The following PLPPR1 variants were observed in gnomAD, a reference collection of about 807,000 sequenced individuals.
The protein encoded by PLPPR1 is phospholipid phosphatase related 1, also known as phospholipid phosphatase-related protein type 1.
In PLPPR1, 10 loss-of-function variants were observed where a neutral mutation model predicts 33.1. The observed-to-expected ratio is 0.30, with a 90% CI of 0.19 to 0.51. The LOEUF is 0.51. PLPPR1 is among the 20% of genes least tolerant of loss of function. The pLI, the probability that PLPPR1 is intolerant of heterozygous loss-of-function variation, is 0.97. For missense variants in PLPPR1, 304 were observed against 408.1 expected, an observed-to-expected ratio of 0.74 and a Z score of 2.20; for synonymous variants, 151 against 151.0, an observed-to-expected ratio of 1.00 and a Z score of 0.00.
At chr9:101,237,444 T>A (rs920042620) in intron 2 of PLPPR1, among the ~76,000 whole-genome samples, 1 of 141,742 alleles carries the variant, frequency 7.1e-6, no homozygotes, top group Non-Finnish European at 1.5e-5. Flanking sequence ...ACTGATTGAA[T>A]AAAGAAAGGT....
intron 1 of PLPPR1, among the ~76,000 whole-genome samples, chr9:101,064,403 T>C (rs1048074924): frequency 6.6e-6 from 1 of 151,988 alleles, no homozygotes; most frequent in Non-Finnish European, 1.5e-5. Context: ...ATTTATGGAA[T>C]GAATGAATGA....
intron 1 of PLPPR1, among the ~76,000 whole-genome samples, chr9:101,106,041 G>T (rs2118562462): frequency 6.6e-6 from 1 of 151,260 alleles, no homozygotes; most frequent in East Asian, 1.9e-4. Flanking sequence ...GCCTATGTGT[G>T]TCTCTGCATG....
intron 2 of PLPPR1, among the ~76,000 whole-genome samples, chr9:101,250,831 G>C (rs930042074): frequency 2.6e-5 from 4 of 152,064 alleles, no homozygotes; most frequent in Non-Finnish European, 4.4e-5. Flanking sequence ...GGACTAAACT[G>C]TGGCAAGAGA....
At position 101,291,098 on chromosome 9, in the gene PLPPR1, C is replaced by T. The variant is rs577346110; in HGVS notation, c.385+4862C>T. 1.4e-3 allele frequency among the ~76,000 whole-genome samples: 218 copies of T among 152,282 alleles called. 4 individuals carry two copies. In the Middle Eastern group the frequency reaches 0.02, roughly 14 times the overall value. Reference sequence around the variant, plus strand: ...CTCCCACCCTAATACTGCGCTTTTCCGACAACAGGCTTAAAAAACAGCGCA... The same window carrying T: ...CTCCCACCCTAATACTGCGCTTTTCTGACAACAGGCTTAAAAAACAGCGCA... On this transcript the variant is annotated intron_variant, in intron 4 of 7. Transcript: ENST00000374874.
At chr9:101,300,633 T>C (rs893664899) in intron 4 of PLPPR1, among the ~76,000 whole-genome samples, 3 of 152,218 alleles carry the variant, frequency 2.0e-5, no homozygotes, top group Non-Finnish European at 4.4e-5. Flanking sequence ...GATCATCAGC[T>C]TCAGCTTTAG....
chr9:101,079,385 C>G (rs1490404052), intron 1 of PLPPR1, among the ~76,000 whole-genome samples: 1 of 152,078 alleles, frequency 6.6e-6, no homozygotes, highest in Non-Finnish European at 1.5e-5. Context: ...AGTATCTTCC[C>G]AAGAAAGGAT....
Position 101,317,400 on chromosome 9 carries a change from A to G in PLPPR1, c.849A>G (p.Gln283=), listed in dbSNP as rs370385401. The change falls in exon 7 of 8, where the codon CAA becomes CAG. Residue 283 remains glutamine (Q), a synonymous_variant. Transcript: ENST00000374874. The stretch of plus-strand genomic sequence containing the variant: ...TGGTTCATAACTTTAAAGGAACGCA[A>G]GGATCTCCTTCCAAACCCAAGCCTG... The part of the protein sequence containing the change: ...MCVVHNFKGT[Q]GSPSKPKPED... The G allele has an allele frequency of 6.2e-7, 1 of 1,613,990 alleles. No homozygotes were observed.
intron 1 of PLPPR1, among the ~76,000 whole-genome samples, chr9:101,163,165 A>G (rs973475916): frequency 6.6e-6 from 1 of 152,206 alleles, no homozygotes. Flanking sequence ...AGTATTGCTA[A>G]TGTTCTCTAA....
chr9:101,124,230 C>T (rs1279836652), intron 1 of PLPPR1, among the ~76,000 whole-genome samples: 1 of 152,142 alleles, frequency 6.6e-6, no homozygotes, highest in East Asian at 1.9e-4. Context: ...CACATCTCCC[C>T]TTTCCCTTTT....
chr9:101,175,149 C>T (rs577363289), intron 1 of PLPPR1, among the ~76,000 whole-genome samples: 11 of 152,196 alleles, frequency 7.2e-5, no homozygotes, highest in African/African-American at 2.4e-4. Context: ...TTCTCTCTCT[C>T]ATGTCTGATA....
intron 2 of PLPPR1, among the ~76,000 whole-genome samples, chr9:101,199,789 T>C (rs531262216): frequency 6.6e-6 from 1 of 152,200 alleles, no homozygotes; most frequent in Non-Finnish European, 1.5e-5. Context: ...TAGCACACTT[T>C]TTTCATACTG....
intron 3 of PLPPR1, among the ~76,000 whole-genome samples, chr9:101,279,369 A>T (rs538491201): frequency 6.6e-6 from 1 of 152,226 alleles, no homozygotes; most frequent in Admixed American, 6.5e-5. Flanking sequence ...ATAGACCTCA[A>T]TGCAAAAATA....
At chr9:101,117,269 T>C (rs1423366818) in intron 1 of PLPPR1, among the ~76,000 whole-genome samples, 2 of 152,100 alleles carry the variant, frequency 1.3e-5, no homozygotes, top group Non-Finnish European at 2.9e-5. Context: ...AAGACCATGC[T>C]GATAAAGCAG....
chr9:101,212,158 C>T (rs1259997079), intron 2 of PLPPR1, among the ~76,000 whole-genome samples: 1 of 151,760 alleles, frequency 6.6e-6, no homozygotes, highest in East Asian at 1.9e-4. Context: ...TCTCGGCTCA[C>T]TGTAACCTCT....
At chr9:101,162,565 C>G (rs551929832) in intron 1 of PLPPR1, among the ~76,000 whole-genome samples, 3 of 152,120 alleles carry the variant, frequency 2.0e-5, no homozygotes, top group Non-Finnish European at 1.5e-5. Context: ...ATCTCTTCCT[C>G]CTTTTTAGAG....
chr9:101,047,371 C>G (rs1305154107), intron 1 of PLPPR1, among the ~76,000 whole-genome samples: 1 of 152,150 alleles, frequency 6.6e-6, no homozygotes, highest in East Asian at 1.9e-4. Flanking sequence ...AAGTAATAAC[C>G]TACTTAATGA....
chr9:101,079,734 A>C (rs549320738), intron 1 of PLPPR1, among the ~76,000 whole-genome samples: 13 of 152,018 alleles, frequency 8.6e-5, no homozygotes, highest in African/African-American at 2.9e-4. Flanking sequence ...TGTGCGCCAC[A>C]ACACCTGGCT....
chr9:101,068,131 T>C (rs1043795095), intron 1 of PLPPR1, among the ~76,000 whole-genome samples: 1 of 152,140 alleles, frequency 6.6e-6, no homozygotes, highest in Non-Finnish European at 1.5e-5. Flanking sequence ...CAAACATTTA[T>C]TGAGCAAATA....
At chr9:101,223,364 C>G (rs752474858) in intron 2 of PLPPR1, among the ~76,000 whole-genome samples, 3 of 150,856 alleles carry the variant, frequency 2.0e-5, no homozygotes, top group African/African-American at 7.3e-5. Flanking sequence ...TTGGGGAAAT[C>G]GTGCTATATT....
Sources: allele counts gnomAD v4.1 joint callset (sites outside exome capture counted in the v4.1 genomes callset), GRCh38; gene constraint gnomAD v4.1.1; transcripts MANE v1.5; gene names NCBI Gene and HGNC (gene_info 2026-07-23, HGNC 2026-07-21).